ZNF609: variants seen among roughly 807,000 people sequenced by gnomAD.
ZNF609 encodes zinc finger protein 609.
ZNF609 carries 11 observed loss-of-function variants against 109.5 expected under a neutral mutation model. That is an observed-to-expected ratio of 0.10 (90% CI 0.06 to 0.17). The LOEUF (loss-of-function observed/expected upper bound fraction) is 0.17. ZNF609 is among the 10% of genes least tolerant of loss of function. ZNF609 has a pLI of 1.00. For synonymous variants in ZNF609, 646 were observed against 662.0 expected (o/e 0.98, Z 0.37); for missense variants, 1,559 against 1,772.4 (o/e 0.88, Z 2.16).
In ZNF609 at chr15:64,655,095, C is replaced by CAA. The variant is rs34537642; in HGVS notation, c.974-15239_974-15238dup. 1.1e-3 allele frequency among the ~76,000 whole-genome samples: 120 copies of CAA among 104,748 alleles called. 2 individuals are homozygous for CAA. The highest frequency in any genetic ancestry group is 2.3e-3 in the African/African-American group (56 of 24,318). 68.7% of individuals were successfully genotyped at this position (104,748 alleles called of 152,430 possible). On this transcript the variant is annotated intron_variant, in intron 3 of 9. Transcript: ENST00000326648. ...TGGGTGACAGAACGAGACTCCATCT[C>CAA]AAAAAAAAAAAAAGTATAGCACCAA... is the stretch of plus-strand genomic sequence containing the variant.
At chr15:64,528,653 G>C (rs1465741490) in intron 2 of ZNF609, 3 of 1,060,742 alleles carry the variant, frequency 2.8e-6, no homozygotes, top group African/African-American at 1.6e-5. Flanking sequence ...CGCTGGGCTG[G>C]TGGTCCAGGG....
intron 1 of ZNF609, among the ~76,000 whole-genome samples, chr15:64,470,948 T>C (rs549717090): frequency 2.0e-5 from 3 of 152,368 alleles, no homozygotes; most frequent in East Asian, 3.9e-4. Flanking sequence ...TTAATACTTA[T>C]TGAATAGTAA....
At chr15:64,557,879 G>T (rs1894616412) in intron 2 of ZNF609, among the ~76,000 whole-genome samples, 1 of 152,006 alleles carries the variant, frequency 6.6e-6, no homozygotes, top group Non-Finnish European at 1.5e-5. Context: ...TGTATTTTCA[G>T]TAGAGACGGG....
At chr15:64,543,968 TA>T (rs1315107889) in intron 2 of ZNF609, among the ~76,000 whole-genome samples, 2 of 152,184 alleles carry the variant, frequency 1.3e-5, no homozygotes, top group African/African-American at 2.4e-5. Context: ...CAACCCCTGG[TA>T]GTAGCTGTTC....
chr15:64,499,619 C>T lies in ZNF609; in HGVS notation c.200C>T (p.Thr67Ile), dbSNP rs1269205727. Residue 67 changes from threonine to isoleucine, a missense_variant, in exon 2 of 10, where the codon ACA becomes ATA. Coordinates refer to ENST00000326648, the MANE Select transcript of ZNF609 (RefSeq NM_015042.2). ...VGIPAPNAVA[T>I]LPDNIKFVTP... ...ATACCGGCTCCCAATGCTGTGGCCACACTACCAGACAACATCAAGTTTGTG... is the reference window on the plus strand; with the variant it reads ...ATACCGGCTCCCAATGCTGTGGCCATACTACCAGACAACATCAAGTTTGTG... The T allele has an allele frequency of 1.9e-6, 3 of 1,614,034 alleles. No homozygotes were observed. The highest frequency in any genetic ancestry group is 4.5e-5 in the East Asian group (2 of 44,898).
chr15:64,611,192 C>G (rs1255265559), intron 2 of ZNF609, among the ~76,000 whole-genome samples: 2 of 152,068 alleles, frequency 1.3e-5, no homozygotes, highest in African/African-American at 4.8e-5. Flanking sequence ...ACCTTGTAAC[C>G]ATACAGGAAT....
chr15:64,487,789 C>G (rs188990537), intron 1 of ZNF609, among the ~76,000 whole-genome samples: 1 of 152,068 alleles, frequency 6.6e-6, no homozygotes, highest in East Asian at 1.9e-4. Flanking sequence ...AGCGCCACCA[C>G]GCCCAGCTAA....
intron 2 of ZNF609, among the ~76,000 whole-genome samples, chr15:64,581,393 T>G (rs1895102128): frequency 1.3e-5 from 2 of 152,104 alleles, no homozygotes; most frequent in African/African-American, 4.8e-5. Context: ...AGGAAAGCCC[T>G]GTGAACATGT....
intron 1 of ZNF609, among the ~76,000 whole-genome samples, chr15:64,477,201 C>T (rs1180199779): frequency 5.2e-5 from 7 of 134,924 alleles, no homozygotes; most frequent in Admixed American, 2.6e-4. Context: ...AGTGCAGTGG[C>T]GTGATCTTGG....
At chr15:64,540,367 C>A (rs1186547633) in intron 2 of ZNF609, among the ~76,000 whole-genome samples, 2 of 152,124 alleles carry the variant, frequency 1.3e-5, no homozygotes, top group African/African-American at 2.4e-5. Flanking sequence ...GGTCATGAAT[C>A]TTTTGATACA....
At chr15:64,551,985 CA>C (rs35698512) in intron 2 of ZNF609, among the ~76,000 whole-genome samples, 2,946 of 93,430 alleles carry the variant, frequency 0.032, 87 homozygotes, top group African/African-American at 0.13. Flanking sequence ...GACTCTGTCT[CA>C]AAAAAAAAAA....
intron 2 of ZNF609, among the ~76,000 whole-genome samples, chr15:64,572,923 G>C (rs752045496): frequency 3.2e-4 from 49 of 152,130 alleles, no homozygotes; most frequent in Non-Finnish European, 6.3e-4. Flanking sequence ...GAAAAGAAAA[G>C]AAAGTCTCCT....
rs34210225 is a variant in ZNF609 at position 64,543,669 on chromosome 15, C to G, written c.747+43503C>G. On this transcript the variant is annotated intron_variant, in intron 2 of 9. Transcript: ENST00000326648. Reference sequence around the variant, plus strand: ...GTATTGGCCAGGCTGGTCTTGAACTCCTGACCTTGAGTGATCCACCCACCT... The same window carrying G: ...GTATTGGCCAGGCTGGTCTTGAACTGCTGACCTTGAGTGATCCACCCACCT... Among the ~76,000 whole-genome samples the G allele has an allele frequency of 9.6e-3, 1,464 of 152,110 alleles. 12 individuals are homozygous for G. The highest frequency in any genetic ancestry group is 0.015 in the Non-Finnish European group (1,027 of 67,990).
intron 4 of ZNF609, among the ~76,000 whole-genome samples, chr15:64,671,812 GA>G (rs1472427781): frequency 6.6e-6 from 1 of 152,060 alleles, no homozygotes; most frequent in Non-Finnish European, 1.5e-5. Flanking sequence ...GTTCTTTTAG[GA>G]AAAGTATCTT....
rs559849515 is a variant in ZNF609, at chr15:64,628,573, A to T, written c.973+5521A>T. On this transcript the variant is annotated intron_variant, in intron 3 of 9. Transcript: ENST00000326648. ...AGAATCCCATGAACCCAGGAGGCAGAGGTTGCAATGAGCCAGGATGTGAGA... is the reference window on the plus strand; with the variant it reads ...AGAATCCCATGAACCCAGGAGGCAGTGGTTGCAATGAGCCAGGATGTGAGA... 4.6e-5 allele frequency among the ~76,000 whole-genome samples: 7 copies of T among 152,196 alleles called. 1 individual carries two copies. The South Asian group carries it at 1.2e-3, about 27-fold the overall frequency.
chr15:64,476,051 C>T (rs1893165612), intron 1 of ZNF609, among the ~76,000 whole-genome samples: 1 of 152,188 alleles, frequency 6.6e-6, no homozygotes, highest in Non-Finnish European at 1.5e-5. Context: ...TGGTTCCATA[C>T]ATCCGAGCTG....
intron 3 of ZNF609, chr15:64,631,028 T>C (rs887189059): frequency 3.9e-6 from 1 of 257,068 alleles, no homozygotes. Flanking sequence ...AATATTTTTT[T>C]AGGGGAGAGG....
intron 3 of ZNF609, among the ~76,000 whole-genome samples, chr15:64,647,457 G>T (rs560659581): frequency 1.1e-4 from 17 of 152,066 alleles, no homozygotes; most frequent in African/African-American, 4.1e-4. Flanking sequence ...AAGAGGAAAA[G>T]AATAAATTAC....
intron 4 of ZNF609, 48 bp from the exon 5 acceptor site, chr15:64,673,868 A>T (rs1896769069): frequency 2.6e-6 from 4 of 1,555,688 alleles, no homozygotes; most frequent in Non-Finnish European, 1.7e-6. Flanking sequence ...TGCTTTGAAG[A>T]TGTTTTCTCT....
Sources: gnomAD v4.1 joint callset for allele counts (sites outside exome capture counted in the v4.1 genomes callset) on GRCh38, gnomAD v4.1.1 for gene constraint, MANE v1.5 for transcripts, NCBI Gene and HGNC (gene_info 2026-07-23, HGNC 2026-07-21) for gene names.